Variants in HM13 observed in about 807,000 individuals in gnomAD.
HM13 encodes histocompatibility minor 13.
In HM13, 18 loss-of-function variants were observed where a neutral mutation model predicts 50.0. The observed-to-expected ratio is 0.36, with a 90% CI of 0.25 to 0.53. HM13 has a LOEUF of 0.53. HM13 is among the 20% of genes least tolerant of loss of function. HM13 has a pLI of 0.90. For synonymous variants in HM13, 197 were observed against 232.6 expected (o/e 0.85, Z 1.39); for missense variants, 393 against 552.4 (o/e 0.71, Z 2.89).
intron 4 of HM13, 108 bp from the exon 5 acceptor site, chr20:31,548,921 G>A (rs1260113051): frequency 3.1e-6 from 3 of 979,372 alleles, no homozygotes; most frequent in Non-Finnish European, 4.9e-6. Context: ...CCGCCAGCCT[G>A]TGAACCTCTC....
intron 3 of HM13, among the ~76,000 whole-genome samples, chr20:31,544,103 A>C (rs1983590788): frequency 6.6e-6 from 1 of 152,248 alleles, no homozygotes; most frequent in Admixed American, 6.5e-5. Flanking sequence ...CCCTGTATAC[A>C]GATGAGAAGA....
At chr20:31,565,710 C>A (rs887501629) in intron 10 of HM13, among the ~76,000 whole-genome samples, 1 of 152,156 alleles carries the variant, frequency 6.6e-6, no homozygotes, top group African/African-American at 2.4e-5. Context: ...AGTCTCAGCA[C>A]AGACATGCCA....
rs2122639717 is a variant in HM13, at chr20:31,554,830, G to A, written c.808+1G>A. Reference sequence around the variant, plus strand: ...GGACTTGGAGATGTCGTCATTCCAGGTGAGCCTGCTGGTGTGGGGGCTATG... The same window carrying A: ...GGACTTGGAGATGTCGTCATTCCAGATGAGCCTGCTGGTGTGGGGGCTATG... On this transcript the variant is annotated splice_donor_variant, in intron 8 of 12. Transcript: ENST00000398174. LOFTEE classifies it high-confidence loss of function. 1 of 1,613,670 alleles carries A rather than the reference G, an allele frequency of 6.2e-7. No individual in the cohort carries two copies. The highest frequency in any genetic ancestry group is 1.1e-5 in the South Asian group (1 of 91,080).
chr20:31,543,787 A>T (rs1041616948), intron 3 of HM13, among the ~76,000 whole-genome samples: 16 of 151,950 alleles, frequency 1.1e-4, no homozygotes, highest in Non-Finnish European at 1.2e-4. Context: ...AAAAAAAATT[A>T]GTCGGGCATG....
chr20:31,559,495 GTCT>G, intron 8 of HM13, 113 bp from the exon 9 acceptor site: 1 of 985,742 alleles, frequency 1.0e-6, no homozygotes, highest in Non-Finnish European at 1.6e-6. Context: ...CACACCCTTG[GTCT>G]CCAATGATTG....
At chr20:31,526,877 T>C (rs551944301) in intron 1 of HM13, among the ~76,000 whole-genome samples, 1 of 152,330 alleles carries the variant, frequency 6.6e-6, no homozygotes, top group South Asian at 2.1e-4. Context: ...CTGAAAACAA[T>C]TTTCTTCGAG....
At chr20:31,530,385 A>T (rs546527744) in intron 2 of HM13, among the ~76,000 whole-genome samples, 2 of 150,834 alleles carry the variant, frequency 1.3e-5, no homozygotes, top group African/African-American at 4.9e-5. Context: ...TTTTATATCA[A>T]CACAGTCAAA....
intron 10 of HM13, 72 bp from the exon 11 acceptor site, chr20:31,566,138 T>G: frequency 2.3e-5 from 25 of 1,110,664 alleles, no homozygotes; most frequent in Non-Finnish European, 3.1e-5. Context: ...CAGAAGGGGT[T>G]TGGGGTGCTG....
At chr20:31,518,763 C>T (rs966709636) in intron 1 of HM13, among the ~76,000 whole-genome samples, 5 of 151,998 alleles carry the variant, frequency 3.3e-5, no homozygotes, top group South Asian at 2.1e-4. Flanking sequence ...GAGGTTGAGG[C>T]GAGAGGATAA....
chr20:31,524,163 C>G (rs1044874232), intron 1 of HM13, among the ~76,000 whole-genome samples: 2 of 152,058 alleles, frequency 1.3e-5, no homozygotes, highest in Non-Finnish European at 2.9e-5. Context: ...TCACTTGATG[C>G]CAGGAGTTCA....
chr20:31,561,655 C>T lies in HM13; in HGVS notation c.867C>T (p.Thr289=). The T allele has an allele frequency of 1.9e-6, 3 of 1,613,370 alleles. No individual in the cohort carries two copies. The highest frequency in any genetic ancestry group is 2.5e-6 in the Non-Finnish European group (3 of 1,179,230). Residue 289 remains threonine, a synonymous_variant, in exon 10 of 13, where the codon ACC becomes ACT. Coordinates refer to ENST00000398174, the MANE Select transcript of HM13 (RefSeq NM_178581.3). ...FDISLKKNTH[T]YFYTSFAAYI... ...GCAGCTTGAAGAAGAATACCCACAC[C>T]TACTTCTACACCAGCTTTGCAGCCT...
chr20:31,527,616 C>G (rs771028629), intron 2 of HM13, 34 bp downstream of exon 2: 1 of 1,360,964 alleles, frequency 7.3e-7, no homozygotes, highest in Non-Finnish European at 1.0e-6. Context: ...GTCATTTGAT[C>G]TAAATGACTT....
At chr20:31,548,043 T>A in intron 4 of HM13, 5 of 1,573,936 alleles carry the variant, frequency 3.2e-6, no homozygotes, top group Non-Finnish European at 4.4e-6. Context: ...TGAAGACATA[T>A]AAATGAGCCT....
intron 3 of HM13, among the ~76,000 whole-genome samples, chr20:31,543,962 C>A (rs1983585074): frequency 6.6e-6 from 1 of 152,092 alleles, no homozygotes; most frequent in South Asian, 2.1e-4. Context: ...CTTTTCCCTC[C>A]CTTTATCACT....
intron 11 of HM13, 146 bp downstream of exon 11, chr20:31,566,441 A>C (rs1167857462): frequency 2.9e-6 from 2 of 686,848 alleles, no homozygotes; most frequent in African/African-American, 3.6e-5. Context: ...TCAGCAGTAC[A>C]TGGGTACCTG....
chr20:31,551,807 C>T (rs1272754098), intron 7 of HM13, among the ~76,000 whole-genome samples: 1 of 152,188 alleles, frequency 6.6e-6, no homozygotes, highest in South Asian at 2.1e-4. Context: ...TCTACCACTG[C>T]GGACAGCCTT....
intron 8 of HM13, among the ~76,000 whole-genome samples, chr20:31,555,161 C>T (rs1192709858): frequency 6.6e-6 from 1 of 152,194 alleles, no homozygotes; most frequent in Non-Finnish European, 1.5e-5. Context: ...CGTTTCATGA[C>T]AATCTTAACA....
chr20:31,553,363 A>G (rs1387784543), intron 7 of HM13, among the ~76,000 whole-genome samples: 1 of 152,098 alleles, frequency 6.6e-6, no homozygotes, highest in Non-Finnish European at 1.5e-5. Context: ...TTCAAGGAAC[A>G]GGATTTTCCT....
In HM13 at chr20:31,568,201, G is replaced by A; in HGVS notation, c.1158G>A (p.Arg386=). ...MQQKLAGPRR[R]RPQNPSAIYE... ...AGAAGCTAGCTGGCCCTCGCCGCCG[G>A]CGCCCGCAGAATCCCAGCGCCATGT... Residue 386 remains arginine (R), a synonymous_variant, in exon 12 of 13, where the codon CGG becomes CGA. Transcript: ENST00000398174. 6.2e-7 allele frequency: 1 copy of A among 1,612,888 alleles called. No individual in the cohort carries two copies. The highest frequency in any genetic ancestry group is 1.1e-5 in the South Asian group (1 of 91,026).
Sources: allele counts gnomAD v4.1 joint callset (sites outside exome capture counted in the v4.1 genomes callset), GRCh38; gene constraint gnomAD v4.1.1; transcripts MANE v1.5; gene names NCBI Gene and HGNC (gene_info 2026-07-23, HGNC 2026-07-21).